MYH7B: variants seen among roughly 807,000 people sequenced by gnomAD.
The protein encoded by MYH7B is myosin heavy chain 7B.
In MYH7B, 205 loss-of-function variants were observed where a neutral mutation model predicts 234.5. That is an observed-to-expected ratio of 0.87 (90% CI 0.78 to 0.98). The LOEUF is 0.98. Among genes scored for constraint, MYH7B ranks in the 50% least tolerant of loss-of-function variants. The pLI is 0.00. For missense variants in MYH7B, 2,652 were observed against 2,633.4 expected, an observed-to-expected ratio of 1.01 and a Z score of -0.15; for synonymous variants, 1,193 against 1,105.0, an observed-to-expected ratio of 1.08 and a Z score of -1.58.
chr20:34,974,376 T>TAA (rs1471991857), intron 2 of MYH7B, among the ~76,000 whole-genome samples: 1 of 22,962 alleles, frequency 4.4e-5, no homozygotes, highest in Admixed American at 2.1e-4. Context: ...GTCAGTATCT[T>TAA]ACTTAAGTCC....
rs1300586173 is a variant in MYH7B at position 35,000,592 on chromosome 20, A to T, written c.5081A>T (p.Glu1694Val). The T allele has an allele frequency of 6.4e-6, 10 of 1,568,840 alleles. No homozygotes were observed. The highest frequency in any genetic ancestry group is 7.7e-6 in the Non-Finnish European group (9 of 1,161,924). ...TCGCTGCTGGCTGCGGAGCTGGAGG[A>T]GCTGCGGGCTGCCCTGGAGCAGGGC... Residue 1694 changes from glutamate to valine, a missense_variant, in exon 39 of 45, where the codon GAG (glutamate) becomes GTG (valine). This residue lies in a region of MYH7B where 2,279 missense variants were observed against 2,211.4 expected (regional missense o/e 1.03). Transcript: ENST00000262873.
At chr20:35,000,670 T>A in exon 39 of MYH7B, 1 of 1,589,958 alleles carries the variant, frequency 6.3e-7, no homozygotes, top group Non-Finnish European at 8.6e-7. Flanking sequence ...ACCGAGCGCC[T>A]CAACCTTCTG....
chr20:34,997,386 G>C, exon 32 of MYH7B: 1 of 1,510,996 alleles, frequency 6.6e-7, no homozygotes, highest in Non-Finnish European at 8.8e-7. Flanking sequence ...CGGCGCATCC[G>C]CGGGGCAGCG....
intron 6 of MYH7B, 27 bp downstream of exon 6, chr20:34,979,523 G>T: frequency 1.9e-6 from 3 of 1,603,636 alleles, no homozygotes; most frequent in Non-Finnish European, 2.6e-6. Flanking sequence ...CCTGAGATTA[G>T]CCTCTCTGTC....
chr20:34,962,098 GC>G (rs1321474230), intron 2 of MYH7B, among the ~76,000 whole-genome samples: 1 of 152,014 alleles, frequency 6.6e-6, no homozygotes, highest in Non-Finnish European at 1.5e-5. Flanking sequence ...GTGGTGGCAT[GC>G]GCCTGTCATC....
At position 34,971,772 on chromosome 20, in the gene MYH7B, G is replaced by A. The variant is rs144752852; in HGVS notation, c.-221-3628G>A. 3.5e-3 allele frequency among the ~76,000 whole-genome samples: 537 copies of A among 152,354 alleles called. 3 individuals carry two copies. The highest frequency in any genetic ancestry group is 0.012 in the African/African-American group (514 of 41,578). ...AAATCTGACCACACTGTCAAATTCCGTCGCTCAGAGCTCTTTGATGCAAAA... is the reference window on the plus strand; with the variant it reads ...AAATCTGACCACACTGTCAAATTCCATCGCTCAGAGCTCTTTGATGCAAAA... On this transcript the variant is annotated intron_variant, in intron 2 of 44. Coordinates refer to ENST00000262873, the Ensembl canonical transcript of MYH7B.
At chr20:34,980,778 C>A (rs1473995211) in intron 8 of MYH7B, 44 bp downstream of exon 8, 13 of 1,599,482 alleles carry the variant, frequency 8.1e-6, no homozygotes, top group Non-Finnish European at 9.4e-6. Flanking sequence ...ACCCCGACCT[C>A]GGTCCCGGGA....
In MYH7B at chr20:35,000,401, C is replaced by T. The variant is rs200205284; in HGVS notation, c.4890C>T (p.Asn1630=). ...AGAAGAAGATGGAGGGTGACCTCAA[C>T]GACCTGGAGCTGCAGCTGGGCCATG... Residue 1630 remains asparagine, a synonymous_variant, in exon 39 of 45, where the codon AAC becomes AAT. Transcript: ENST00000262873. 2.2e-5 allele frequency: 35 copies of T among 1,600,426 alleles called. No individual in the cohort carries two copies. Among genetic ancestry groups the T allele is most frequent in the African/African-American group, 1.9e-4 (14 of 75,058 alleles).
intron 9 of MYH7B, chr20:34,982,025 CA>C (rs1249220779): frequency 8.1e-3 from 1,266 of 155,688 alleles, no homozygotes; most frequent in South Asian, 0.029. Flanking sequence ...CCATCTTTAC[CA>C]AAAAAAAAAA....
chr20:34,987,343 G>T, intron 16 of MYH7B, 56 bp downstream of exon 16: 1 of 1,596,314 alleles, frequency 6.3e-7, no homozygotes, highest in Non-Finnish European at 8.5e-7. Flanking sequence ...TCCTGTCCAT[G>T]ATGGTTAACC....
At chr20:34,986,242 G>A (rs752607329) in intron 14 of MYH7B, 44 bp downstream of exon 14, 2 of 1,484,204 alleles carry the variant, frequency 1.3e-6, no homozygotes, top group Non-Finnish European at 1.8e-6. Context: ...AGAACCTGGA[G>A]GGGCTGCCTG....
chr20:34,988,313 G>A (rs1358226264), intron 19 of MYH7B, 51 bp downstream of exon 19: 1 of 1,574,286 alleles, frequency 6.4e-7, no homozygotes, highest in East Asian at 2.3e-5. Flanking sequence ...TGTGTGGTGA[G>A]CAAGCAGGGA....
Position 34,999,237 on chromosome 20 carries a change from C to T in MYH7B, c.4372C>T (p.Arg1458Trp), listed in dbSNP as rs368970971. 24 of 1,609,106 alleles carry T rather than the reference C, an allele frequency of 1.5e-5. No homozygotes were observed. The highest frequency in any genetic ancestry group is 1.2e-4 in the South Asian group (11 of 90,324). ...GGACAAGAAGCAGCGGCACTTGGAA[C>T]GGGCACTGGAGGAACGGCGGCGGCA... The change falls in exon 36 of 45, where the codon CGG becomes TGG. Residue 1458 changes from arginine to tryptophan, a missense_variant. Coordinates refer to ENST00000262873, the Ensembl canonical transcript of MYH7B.
At chr20:34,991,186 C>A in intron 24 of MYH7B, 65 bp downstream of exon 24, 4 of 1,151,440 alleles carry the variant, frequency 3.5e-6, no homozygotes, top group Non-Finnish European at 5.0e-6. Flanking sequence ...GCAGGACACA[C>A]ATATCAGAGC....
intron 2 of MYH7B, among the ~76,000 whole-genome samples, chr20:34,969,061 G>T (rs2081769022): frequency 6.6e-6 from 1 of 152,194 alleles, no homozygotes; most frequent in Non-Finnish European, 1.5e-5. Context: ...TGGCCTGGAA[G>T]CTGGGAAGCC....
intron 19 of MYH7B, 121 bp from the exon 20 acceptor site, chr20:34,989,619 A>T: frequency 1.0e-6 from 1 of 974,936 alleles, no homozygotes; most frequent in South Asian, 1.7e-5. Context: ...ATCCGGGGAG[A>T]TGGCTGAAGC....
chr20:34,996,202 A>C (rs1290783233), intron 28 of MYH7B, 144 bp from the exon 29 acceptor site: 1 of 944,600 alleles, frequency 1.1e-6, no homozygotes, highest in African/African-American at 1.7e-5. Flanking sequence ...TCCTTCCCTC[A>C]GGCAGAAGCG....
At chr20:34,979,488 G>A in exon 6 of MYH7B, 1 of 1,612,724 alleles carries the variant, frequency 6.2e-7, no homozygotes, top group Non-Finnish European at 8.5e-7. Flanking sequence ...GGAGACCAAA[G>A]ACCAGAAGGT....
At chr20:34,970,165 T>A (rs1048658694) in intron 2 of MYH7B, among the ~76,000 whole-genome samples, 2 of 152,130 alleles carry the variant, frequency 1.3e-5, no homozygotes, top group Non-Finnish European at 2.9e-5. Flanking sequence ...CATCATGCCC[T>A]CCCTCTTCCT....
Sources: gnomAD v4.1 joint callset for allele counts (sites outside exome capture counted in the v4.1 genomes callset) on GRCh38, gnomAD v4.1.1 for gene constraint, gnomAD v4.1.1 regional missense constraint, MANE v1.5 for transcripts, NCBI Gene and HGNC (gene_info 2026-07-23, HGNC 2026-07-21) for gene names.